HIVEP3: variants seen among roughly 807,000 people sequenced by gnomAD.
HIVEP3 encodes transcription factor HIVEP3.
HIVEP3 carries 49 observed loss-of-function variants against 152.8 expected under a neutral mutation model. That is an observed-to-expected ratio of 0.32 (90% CI 0.26 to 0.41). HIVEP3 has a LOEUF of 0.41. HIVEP3 is among the 10% of genes least tolerant of loss of function. HIVEP3 has a pLI of 1.00. For synonymous variants in HIVEP3, 1,269 were observed against 1,289.0 expected, an observed-to-expected ratio of 0.98 and a Z score of 0.33; for missense variants, 2,790 against 3,103.3, an observed-to-expected ratio of 0.90 and a Z score of 2.40.
intron 1 of HIVEP3, among the ~76,000 whole-genome samples, chr1:41,978,218 C>A (rs935136866): frequency 6.6e-6 from 1 of 152,150 alleles, no homozygotes; most frequent in Non-Finnish European, 1.5e-5. Flanking sequence ...AGGTTCTCAA[C>A]CCTTGTGGAT....
chr1:41,709,411 A>T (rs1198340908), intron 1 of HIVEP3, among the ~76,000 whole-genome samples: 1 of 152,210 alleles, frequency 6.6e-6, no homozygotes, highest in African/African-American at 2.4e-5. Flanking sequence ...CAGAGAAAGG[A>T]GCATCCAGTG....
upstream of HIVEP3, among the ~76,000 whole-genome samples, chr1:41,920,241 C>T (rs1644930199): frequency 6.6e-6 from 1 of 152,194 alleles, no homozygotes; most frequent in Admixed American, 6.5e-5. Flanking sequence ...GGAAATGTCA[C>T]CAGCCACACA....
rs151333512 is a variant in HIVEP3 at position 41,583,197 on chromosome 1, G to A, written c.1601C>T (p.Pro534Leu). 1.9e-5 allele frequency: 31 copies of A among 1,608,968 alleles called. No individual in the cohort carries two copies. The highest frequency in any genetic ancestry group is 2.6e-5 in the Non-Finnish European group (31 of 1,177,494). The change falls in exon 4 of 9, where the codon CCT becomes CTT. Residue 534 changes from proline to leucine, a missense_variant. Pro to Leu is a moderately conservative substitution (Grantham distance 98). This residue lies in a region of HIVEP3 where 339 missense variants were observed against 327.0 expected (regional missense o/e 1.04). Transcript: ENST00000372583. This position sits in a 1 kb window ranked among gnomAD's most constrained non-coding sequence, Gnocchi z 6.9. ...SLQHPPSTAP[P>L]VPLLRSHSMP... ...TGAGTGGCTTCTCAGGAGAGGCACA[G>A]GGGGGGCGGTACTGGGCGGGTGCTG...
intron 1 of HIVEP3, among the ~76,000 whole-genome samples, chr1:41,951,408 G>A (rs1172948055): frequency 6.6e-6 from 1 of 152,152 alleles, no homozygotes; most frequent in African/African-American, 2.4e-5. Context: ...TTGATGGGTG[G>A]CAGACAATGA....
intron 1 of HIVEP3, among the ~76,000 whole-genome samples, chr1:41,971,501 C>T (rs1287695504): frequency 1.3e-5 from 2 of 152,116 alleles, no homozygotes; most frequent in East Asian, 1.9e-4. Context: ...AAGGTACACA[C>T]AGAAGATGAT....
At chr1:41,558,588 T>A (rs1450450243) in intron 5 of HIVEP3, among the ~76,000 whole-genome samples, 3 of 152,206 alleles carry the variant, frequency 2.0e-5, no homozygotes, top group Non-Finnish European at 4.4e-5. Flanking sequence ...TGGCCTGCTC[T>A]TGGGGGAACA....
At chr1:41,768,416 G>A (rs1446023994) in intron 1 of HIVEP3, among the ~76,000 whole-genome samples, 1 of 152,198 alleles carries the variant, frequency 6.6e-6, no homozygotes, top group East Asian at 1.9e-4. Flanking sequence ...CATGGGAATT[G>A]TGGGAATTAT....
chr1:41,988,984 C>A (rs992452639), intron 1 of HIVEP3, among the ~76,000 whole-genome samples: 1 of 152,148 alleles, frequency 6.6e-6, no homozygotes, highest in African/African-American at 2.4e-5. Context: ...GCAAATACTG[C>A]ATGATCTCAC....
intron 2 of HIVEP3, among the ~76,000 whole-genome samples, chr1:41,646,744 T>C (rs943257594): frequency 1.3e-5 from 2 of 152,208 alleles, no homozygotes; most frequent in African/African-American, 4.8e-5. Flanking sequence ...CTGCATACTT[T>C]AGTTTTGTAA....
intron 1 of HIVEP3, among the ~76,000 whole-genome samples, chr1:41,867,511 C>A (rs1474415126): frequency 6.6e-6 from 1 of 152,188 alleles, no homozygotes; most frequent in Admixed American, 6.5e-5. Context: ...TAGCCTGACT[C>A]CTCCAGACTC....
chr1:41,777,348 T>C (rs1192075127), intron 1 of HIVEP3, among the ~76,000 whole-genome samples: 1 of 152,210 alleles, frequency 6.6e-6, no homozygotes, highest in East Asian at 1.9e-4. Context: ...CAGCCCCATC[T>C]CTTCAGCCTG....
rs1198957564 is a variant in HIVEP3 at position 41,584,044 on chromosome 1, A to C, written c.754T>G (p.Ser252Ala). 9.3e-6 allele frequency: 15 copies of C among 1,614,022 alleles called. No homozygotes were observed. Among genetic ancestry groups the C allele is most frequent in the African/African-American group, 2.7e-5 (2 of 74,908 alleles). Residue 252 changes from serine (S) to alanine (A), a missense_variant, in exon 4 of 9, where the codon TCA (serine) becomes GCA (alanine). Physicochemically the swap from Ser to Ala is moderately conservative, Grantham distance 99 (BLOSUM62 1). This residue lies in a region of HIVEP3 where 125 missense variants were observed against 130.1 expected (regional missense o/e 0.96). Coordinates refer to ENST00000372583, the MANE Select transcript of HIVEP3 (RefSeq NM_024503.5). This position sits in a 1 kb window ranked among gnomAD's most constrained non-coding sequence, Gnocchi z 5.2. ...GGGTACATCTCGCCACCCATGCCTG[A>C]GGCCAGGCCTGCTTTGATGCGGTGG... Reference protein sequence around the residue: ...HAHRIKAGLASGMGGEMYPHG... With the variant: ...HAHRIKAGLAAGMGGEMYPHG...
chr1:41,791,438 G>A (rs1034451940), intron 1 of HIVEP3, among the ~76,000 whole-genome samples: 1 of 152,176 alleles, frequency 6.6e-6, no homozygotes, highest in East Asian at 1.9e-4. Context: ...CTACCAAGAA[G>A]GCTCATTGAA....
intron 1 of HIVEP3, among the ~76,000 whole-genome samples, chr1:41,945,567 A>G (rs1174531796): frequency 1.3e-5 from 2 of 152,202 alleles, no homozygotes; most frequent in Non-Finnish European, 2.9e-5. Context: ...TATCTCAGTC[A>G]GGTCAATGAT....
intron 1 of HIVEP3, among the ~76,000 whole-genome samples, chr1:41,997,671 A>T (rs1645403774): frequency 6.6e-6 from 1 of 152,228 alleles, no homozygotes; most frequent in South Asian, 2.1e-4. Context: ...GGACCAAAAC[A>T]CCATATAACA....
At chr1:41,796,696 T>C (rs1650002711) in intron 1 of HIVEP3, among the ~76,000 whole-genome samples, 1 of 152,266 alleles carries the variant, frequency 6.6e-6, no homozygotes, top group South Asian at 2.1e-4. Flanking sequence ...TACTTCTCTG[T>C]ATTTTCTAGA....
chr1:41,916,344 T>G (rs560179667), intron 1 of HIVEP3, among the ~76,000 whole-genome samples: 16 of 152,244 alleles, frequency 1.1e-4, no homozygotes, highest in Non-Finnish European at 1.9e-4. Flanking sequence ...ACTGGGGTGT[T>G]GAGGGCAAAA....
intron 1 of HIVEP3, among the ~76,000 whole-genome samples, chr1:41,780,640 A>G (rs574788294): frequency 6.6e-6 from 1 of 152,350 alleles, no homozygotes; most frequent in South Asian, 2.1e-4. Flanking sequence ...AGGTCAAACC[A>G]GTGAATAGAC....
At chr1:41,615,266 C>A (rs926310885) in intron 3 of HIVEP3, among the ~76,000 whole-genome samples, 3 of 152,188 alleles carry the variant, frequency 2.0e-5, no homozygotes, top group South Asian at 2.1e-4. Context: ...TAAAGAACTT[C>A]CAGCATGTTC....
Sources: gnomAD v4.1 joint callset for allele counts (sites outside exome capture counted in the v4.1 genomes callset) on GRCh38, gnomAD v4.1.1 for gene constraint, gnomAD v4.1.1 regional missense constraint, Gnocchi (gnomAD v3.1) non-coding constraint, MANE v1.5 for transcripts, NCBI Gene and HGNC (gene_info 2026-07-23, HGNC 2026-07-21) for gene names.